The following UNC80 variants were observed in gnomAD, a reference collection of about 807,000 sequenced individuals.
UNC80 encodes the protein unc-80 subunit of NALCN channel complex.
UNC80 carries 164 observed loss-of-function variants against 384.6 expected under a neutral mutation model. The observed-to-expected ratio is 0.43, with a 90% CI of 0.38 to 0.49. UNC80 has a LOEUF of 0.49. Among genes scored for constraint, UNC80 ranks in the 20% least tolerant of loss-of-function variants. The pLI, the probability that UNC80 is intolerant of heterozygous loss-of-function variation, is 0.00. For missense variants in UNC80, 3,330 were observed against 4,143.0 expected, an observed-to-expected ratio of 0.80 and a Z score of 5.39; for synonymous variants, 1,486 against 1,527.8, an observed-to-expected ratio of 0.97 and a Z score of 0.64.
rs1553556972 is a variant in UNC80 at position 209,866,529 on chromosome 2, C to CACACACACAT, written c.3628-6224_3628-6223insCACATACACA. ...ACACACACACACACACACACACACA[C>CACACACACAT]ACACAGAGAGAGAGAGAGAGAGAGA... On this transcript the variant is annotated intron_variant, in intron 22 of 64. Coordinates refer to ENST00000673920, the MANE Select transcript of UNC80 (RefSeq NM_001371986.1). 3.7e-3 allele frequency among the ~76,000 whole-genome samples: 468 copies of CACACACACAT among 126,488 alleles called. 4 individuals carry two copies. Among genetic ancestry groups the CACACACACAT allele is most frequent in the African/African-American group, 0.014 (392 of 27,320 alleles). 83.0% of individuals were successfully genotyped at this position (126,488 alleles called of 152,430 possible).
chr2:209,806,157 G>A (rs1160634685), intron 7 of UNC80, among the ~76,000 whole-genome samples: 1 of 151,996 alleles, frequency 6.6e-6, no homozygotes, highest in Non-Finnish European at 1.5e-5. Flanking sequence ...AAAATCCTGA[G>A]GTCATAAAAA....
At chr2:209,813,448 A>G in intron 7 of UNC80, 132 bp from the exon 8 acceptor site, 1 of 931,624 alleles carries the variant, frequency 1.1e-6, no homozygotes, top group Admixed American at 2.9e-5. Flanking sequence ...GAAGGATATT[A>G]GAGTAAACTA....
rs143802450 is a variant in UNC80 at position 209,795,050 on chromosome 2, A to G, written c.938+1191A>G. ...CTCAGAAGAAGACAGGGAAGTGTGGAAAAGTTTGGAACTTTACCTAGAGAC... is the reference window on the plus strand; with the variant it reads ...CTCAGAAGAAGACAGGGAAGTGTGGGAAAGTTTGGAACTTTACCTAGAGAC... On this transcript the variant is annotated intron_variant, in intron 7 of 64. Coordinates refer to ENST00000673920, the MANE Select transcript of UNC80 (RefSeq NM_001371986.1). 824 of 213,042 alleles carry G rather than the reference A, an allele frequency of 3.9e-3. 9 individuals are homozygous for G. The highest frequency in any genetic ancestry group is 0.018 in the African/African-American group (767 of 42,510). 13.2% of individuals were successfully genotyped at this position (213,042 alleles called of 1,614,324 possible). A position where few individuals can be genotyped will look rare whatever the true frequency, so the allele number is the denominator to read the frequency against.
At chr2:209,801,676 C>T (rs894698839) in intron 7 of UNC80, among the ~76,000 whole-genome samples, 15 of 134,422 alleles carry the variant, frequency 1.1e-4, no homozygotes, top group South Asian at 2.5e-4. Context: ...CTACCATGCC[C>T]GGCCAACCCC....
At chr2:209,799,189 G>C (rs2078374714) in intron 7 of UNC80, among the ~76,000 whole-genome samples, 1 of 150,814 alleles carries the variant, frequency 6.6e-6, no homozygotes, top group Non-Finnish European at 1.5e-5. Flanking sequence ...TCACAATATT[G>C]ATTCTTCCTA....
At chr2:209,907,687 C>T (rs557357132) in intron 29 of UNC80, among the ~76,000 whole-genome samples, 8 of 152,270 alleles carry the variant, frequency 5.3e-5, no homozygotes, top group Admixed American at 2.0e-4. Flanking sequence ...TTTTATCCTG[C>T]GAGCAGTGGC....
intron 49 of UNC80, 125 bp downstream of exon 49, chr2:209,957,861 AAAG>A (rs1332747517): frequency 1.6e-5 from 13 of 830,542 alleles, no homozygotes; most frequent in African/African-American, 8.7e-5. Flanking sequence ...AAGGAAAAGA[AAAG>A]AAGGTGAGAG....
intron 13 of UNC80, among the ~76,000 whole-genome samples, chr2:209,822,926 T>C (rs560528161): frequency 6.6e-6 from 1 of 152,318 alleles, no homozygotes; most frequent in South Asian, 2.1e-4. Context: ...TATAGTTAGT[T>C]ACCAAAATAA....
chr2:209,972,158 G>C, intron 54 of UNC80, 43 bp from the exon 55 acceptor site: 1 of 1,542,794 alleles, frequency 6.5e-7, no homozygotes, highest in Admixed American at 2.0e-5. Context: ...TACTAAATGG[G>C]TGTGGTGGTC....
chr2:209,955,966 A>G (rs57875380), intron 48 of UNC80, among the ~76,000 whole-genome samples: 2,031 of 151,468 alleles, frequency 0.013, 43 homozygotes, highest in African/African-American at 0.046. Context: ...CTGGTCTCGA[A>G]CTCCTGGCCT....
intron 5 of UNC80, 107 bp from the exon 6 acceptor site, chr2:209,789,425 A>T: frequency 1.3e-6 from 1 of 741,406 alleles, no homozygotes; most frequent in Non-Finnish European, 2.3e-6. Context: ...CTTTTAAAGT[A>T]ATAATGTTCT....
intron 22 of UNC80, among the ~76,000 whole-genome samples, chr2:209,864,170 G>A (rs955687489): frequency 6.6e-6 from 1 of 151,996 alleles, no homozygotes; most frequent in Non-Finnish European, 1.5e-5. Context: ...TCACTCCTGT[G>A]CCTGGAGATG....
intron 6 of UNC80, among the ~76,000 whole-genome samples, chr2:209,791,831 A>G (rs2077824611): frequency 7.1e-6 from 1 of 140,302 alleles, no homozygotes; most frequent in South Asian, 2.1e-4. Context: ...AAAAAAAAAA[A>G]AAAAAAAAAA....
At chr2:209,903,944 T>C (rs1372907873) in intron 28 of UNC80, among the ~76,000 whole-genome samples, 4 of 151,998 alleles carry the variant, frequency 2.6e-5, no homozygotes, top group South Asian at 2.1e-4. Context: ...GGAACTATTA[T>C]AGTTTCATGA....
chr2:209,774,927 C>T (rs751938293), intron 2 of UNC80, among the ~76,000 whole-genome samples: 10 of 152,070 alleles, frequency 6.6e-5, no homozygotes, highest in Non-Finnish European at 1.3e-4. Context: ...GGATACCTGT[C>T]TTTCTCACAT....
At position 209,878,102 on chromosome 2, in the gene UNC80, C is replaced by A. The variant is rs1267781224; in HGVS notation, c.3976+13C>A. The A allele has an allele frequency of 4.6e-6, 7 of 1,515,054 alleles. No individual in the cohort carries two copies. Among genetic ancestry groups the A allele is most frequent in the Non-Finnish European group, 6.2e-6 (7 of 1,132,136 alleles). The allele number at this position is 1,515,054 out of a possible 1,614,324, so 93.9% of individuals were successfully genotyped here. A position where few individuals can be genotyped will look rare whatever the true frequency, so the allele number is the denominator to read the frequency against. On this transcript the variant is annotated intron_variant, in intron 24 of 64. Transcript: ENST00000673920. The stretch of plus-strand genomic sequence containing the variant: ...TTTTTAGATGACAGTAAGGAGACTC[C>A]CTTTACTACAAGAACCCCTGCTTGT...
Position 209,918,536 on chromosome 2 carries a change from C to T in UNC80, c.5216C>T (p.Pro1739Leu), listed in dbSNP as rs368469944. 83 of 1,551,666 alleles carry T rather than the reference C, an allele frequency of 5.3e-5. No homozygotes were observed. The highest frequency in any genetic ancestry group is 7.0e-5 in the Non-Finnish European group (80 of 1,146,838). ...EEGAQQIFKI[P>L]PPSINFTLPS... ...TTTTCTGATGTCAACTAACAGATTC[C>T]GCCTCCCAGTATCAATTTCACCCTT... Residue 1739 changes from proline to leucine, a missense_variant, in exon 33 of 65, where the codon CCG becomes CTG. By Grantham distance (98) the Pro-to-Leu change is moderately conservative. Coordinates refer to ENST00000673920, the MANE Select transcript of UNC80 (RefSeq NM_001371986.1).
In UNC80 at chr2:209,793,926, A is replaced by T. The variant is rs549844127; in HGVS notation, c.938+67A>T. On this transcript the variant is annotated intron_variant, in intron 7 of 64. Transcript: ENST00000673920. The stretch of plus-strand genomic sequence containing the variant: ...ACCAAAAATCAAATATGCATTTTTA[A>T]CTACTTCGATAGCCTCTGTTCCTTA... 1.0e-5 allele frequency: 16 copies of T among 1,579,312 alleles called. No homozygotes were observed. In the African/African-American group the frequency reaches 1.3e-4, roughly 13 times the overall value.
At chr2:209,915,353 C>T (rs1287599530) in intron 31 of UNC80, among the ~76,000 whole-genome samples, 3 of 145,992 alleles carry the variant, frequency 2.1e-5, no homozygotes, top group Admixed American at 7.1e-5. Flanking sequence ...TGCAGTGAGC[C>T]GAGATTGTGC....
Sources: allele counts gnomAD v4.1 joint callset (sites outside exome capture counted in the v4.1 genomes callset), GRCh38; gene constraint gnomAD v4.1.1; transcripts MANE v1.5; gene names NCBI Gene and HGNC (gene_info 2026-07-23, HGNC 2026-07-21).